AHI1: variants seen among roughly 807,000 people sequenced by gnomAD.
AHI1 encodes the protein Abelson helper integration site 1, also known as jouberin.
A neutral mutation model predicts 149.3 loss-of-function variants in AHI1; 123 were observed. The observed-to-expected ratio is 0.82, with a 90% CI of 0.71 to 0.96. The LOEUF (loss-of-function observed/expected upper bound fraction) is 0.96. Ranked by LOEUF, AHI1 falls within the 40% of genes least tolerant of loss-of-function variation. The pLI is 0.00. For synonymous variants in AHI1, 475 were observed against 459.8 expected (o/e 1.03, Z -0.42); for missense variants, 1,439 against 1,422.7 (o/e 1.01, Z -0.18).
Position 135,457,718 on chromosome 6 carries a change from A to G in AHI1, c.932-5T>C, listed in dbSNP as rs1418668058. 3.1e-6 allele frequency: 5 copies of G among 1,611,486 alleles called. No homozygotes were observed. Among genetic ancestry groups the G allele is most frequent in the Non-Finnish European group, 4.2e-6 (5 of 1,177,794 alleles). On this transcript the variant is annotated splice_polypyrimidine_tract_variant and splice_region_variant and intron_variant, in intron 8 of 28. Transcript: ENST00000265602. ...CATCTTCATTATTATCTGCAACTACACGCATGGAAAAAAAAATCAATGTTA... is the reference window on the plus strand; with the variant it reads ...CATCTTCATTATTATCTGCAACTACGCGCATGGAAAAAAAAATCAATGTTA...
At chr6:135,360,075 A>C (rs970611854) in intron 23 of AHI1, among the ~76,000 whole-genome samples, 6 of 152,110 alleles carry the variant, frequency 3.9e-5, no homozygotes, top group Non-Finnish European at 8.8e-5. Context: ...TGCAGTAAAA[A>C]ATATATAGAA....
intron 14 of AHI1, among the ~76,000 whole-genome samples, chr6:135,440,134 T>C (rs1202633913): frequency 6.6e-6 from 1 of 152,142 alleles, no homozygotes; most frequent in Non-Finnish European, 1.5e-5. Context: ...AGAGACTGGT[T>C]GGGGCAGAAC....
At chr6:135,469,716 A>G (rs139373552) in intron 5 of AHI1, among the ~76,000 whole-genome samples, 6,312 of 152,232 alleles carry the variant, frequency 0.041, 376 homozygotes, top group African/African-American at 0.13. Context: ...CCAATAGGGA[A>G]AGGATTCCCT....
At chr6:135,478,950 T>A (rs1382385613) in intron 5 of AHI1, among the ~76,000 whole-genome samples, 1 of 152,142 alleles carries the variant, frequency 6.6e-6, no homozygotes, top group Admixed American at 6.5e-5. Context: ...GGCTATTAAT[T>A]CAGAGGGTGA....
intron 26 of AHI1, chr6:135,302,934 G>T: frequency 1.6e-6 from 1 of 627,288 alleles, no homozygotes; most frequent in Non-Finnish European, 2.3e-6. Flanking sequence ...TTAGAAAGTT[G>T]TTTTATGACT....
Position 135,431,229 on chromosome 6 carries a change from C to T in AHI1, c.2352G>A (p.Val784=), listed in dbSNP as rs1484858505. 1 of 1,600,018 alleles carries T rather than the reference C, an allele frequency of 6.2e-7. No individual in the cohort carries two copies. Among genetic ancestry groups the T allele is most frequent in the East Asian group, 2.2e-5 (1 of 44,510 alleles). Reference sequence around the variant, plus strand: ...ATACCTTATTTATAGTCCAGTGGTGCACTGAATGTTCCAAATCATTAATCT... The same window carrying T: ...ATACCTTATTTATAGTCCAGTGGTGTACTGAATGTTCCAAATCATTAATCT... ...YVKINDLEHS[V]HHWTINKEIK... is the part of the protein sequence containing the mutation. Residue 784 remains valine, a synonymous_variant, in exon 17 of 29, where the codon GTG becomes GTA. Transcript: ENST00000265602.
intron 5 of AHI1, among the ~76,000 whole-genome samples, chr6:135,488,910 C>T (rs778759486): frequency 1.3e-5 from 2 of 152,118 alleles, no homozygotes; most frequent in Non-Finnish European, 2.9e-5. Flanking sequence ...CTACCATTTA[C>T]TATGTAACTT....
At chr6:135,392,053 A>C (rs1464187338) in intron 23 of AHI1, among the ~76,000 whole-genome samples, 1 of 152,172 alleles carries the variant, frequency 6.6e-6, no homozygotes, top group Non-Finnish European at 1.5e-5. Flanking sequence ...AAGTTTGAGA[A>C]TATTTTAGCT....
chr6:135,494,822 GAGAT>G (rs1279241548), intron 3 of AHI1, among the ~76,000 whole-genome samples: 1 of 152,196 alleles, frequency 6.6e-6, no homozygotes, highest in Non-Finnish European at 1.5e-5. Context: ...GAAAAACTGG[GAGAT>G]AGAAGCATTA....
intron 23 of AHI1, among the ~76,000 whole-genome samples, chr6:135,383,784 T>G (rs1303396046): frequency 1.3e-5 from 2 of 152,358 alleles, no homozygotes; most frequent in African/African-American, 4.8e-5. Context: ...AAATGCATTT[T>G]ATGGTTGATA....
At chr6:135,419,716 C>A (rs1055194648) in intron 20 of AHI1, among the ~76,000 whole-genome samples, 1 of 152,074 alleles carries the variant, frequency 6.6e-6, no homozygotes, top group African/African-American at 2.4e-5. Context: ...GGTCTGCTGA[C>A]TGATAAATGG....
At chr6:135,387,997 C>G (rs767879728) in intron 23 of AHI1, 3 of 1,613,598 alleles carry the variant, frequency 1.9e-6, no homozygotes, top group South Asian at 1.1e-5. Flanking sequence ...CTTTTTCCAC[C>G]ATAATATACA....
intron 24 of AHI1, among the ~76,000 whole-genome samples, chr6:135,326,201 G>C (rs556386925): frequency 1.3e-4 from 20 of 152,302 alleles, no homozygotes; most frequent in African/African-American, 4.8e-4. Flanking sequence ...CTCCCAATGT[G>C]AATGTATTTG....
At chr6:135,373,224 CT>C (rs1379626619) in intron 23 of AHI1, among the ~76,000 whole-genome samples, 2 of 152,158 alleles carry the variant, frequency 1.3e-5, no homozygotes, top group Non-Finnish European at 2.9e-5. Flanking sequence ...GATTATAATA[CT>C]GCATTTTGCT....
chr6:135,419,997 T>C (rs1583146059), intron 20 of AHI1, among the ~76,000 whole-genome samples: 1 of 152,148 alleles, frequency 6.6e-6, no homozygotes, highest in East Asian at 1.9e-4. Flanking sequence ...TCTTTGCTCA[T>C]CCATAAAAAA....
chr6:135,437,698 G>C (rs559296803), intron 15 of AHI1, among the ~76,000 whole-genome samples: 2 of 152,222 alleles, frequency 1.3e-5, no homozygotes, highest in East Asian at 3.9e-4. Flanking sequence ...TGTGTGGAGA[G>C]AATAATGTCT....
chr6:135,362,201 T>G (rs1342292531), intron 23 of AHI1, among the ~76,000 whole-genome samples: 1 of 152,198 alleles, frequency 6.6e-6, no homozygotes, highest in African/African-American at 2.4e-5. Flanking sequence ...GATGGGCATT[T>G]GGGATGGTTC....
At chr6:135,335,616 T>C (rs549671261) in intron 24 of AHI1, among the ~76,000 whole-genome samples, 1 of 152,230 alleles carries the variant, frequency 6.6e-6, no homozygotes, top group East Asian at 1.9e-4. Flanking sequence ...TGCAGATATA[T>C]AATATTAAAA....
At chr6:135,436,189 G>C (rs1276360583) in intron 15 of AHI1, among the ~76,000 whole-genome samples, 1 of 152,160 alleles carries the variant, frequency 6.6e-6, no homozygotes, top group Non-Finnish European at 1.5e-5. Flanking sequence ...ACCAGGAGAT[G>C]ATCAGCTAAA....
Sources: allele counts gnomAD v4.1 joint callset (sites outside exome capture counted in the v4.1 genomes callset), GRCh38; gene constraint gnomAD v4.1.1; transcripts MANE v1.5; gene names NCBI Gene and HGNC (gene_info 2026-07-23, HGNC 2026-07-21).